PTPRD: variants seen among roughly 807,000 people sequenced by gnomAD.
PTPRD encodes receptor-type tyrosine-protein phosphatase delta.
A neutral mutation model predicts 214.5 loss-of-function variants in PTPRD; 34 were observed. The observed-to-expected ratio is 0.16, with a 90% CI of 0.12 to 0.21. The LOEUF is 0.21. Ranked by LOEUF, PTPRD falls within the 10% of genes least tolerant of loss-of-function variation. The pLI is 1.00. For synonymous variants in PTPRD, 1,128 were observed against 845.7 expected (o/e 1.33, Z -5.79); for missense variants, 2,545 against 2,398.7 (o/e 1.06, Z -1.27).
intron 7 of PTPRD, among the ~76,000 whole-genome samples, chr9:9,653,411 A>G (rs2096425097): frequency 6.7e-6 from 1 of 148,616 alleles, no homozygotes; most frequent in Admixed American, 6.8e-5. Context: ...TTTTACGCCT[A>G]AAGAAAATAT....
chr9:8,811,068 T>TG (rs756614189), intron 11 of PTPRD, among the ~76,000 whole-genome samples: 23 of 152,184 alleles, frequency 1.5e-4, no homozygotes, highest in Non-Finnish European at 2.5e-4. Flanking sequence ...ATCACCACTG[T>TG]GAGTGAAATC....
intron 5 of PTPRD, among the ~76,000 whole-genome samples, chr9:9,891,244 G>C (rs2073215843): frequency 6.6e-6 from 1 of 152,048 alleles, no homozygotes; most frequent in Non-Finnish European, 1.5e-5. Context: ...ATGGGGATGG[G>C]GATGAGATGG....
intron 8 of PTPRD, among the ~76,000 whole-genome samples, chr9:9,487,274 T>C (rs2095686842): frequency 6.6e-6 from 1 of 151,240 alleles, no homozygotes; most frequent in South Asian, 2.1e-4. Context: ...AGTGTTCTCA[T>C]TGTTCAATTC....
intron 10 of PTPRD, among the ~76,000 whole-genome samples, chr9:9,057,318 T>C (rs2154398490): frequency 6.6e-6 from 1 of 152,260 alleles, no homozygotes; most frequent in South Asian, 2.1e-4. Context: ...AGAATCGAAG[T>C]ATATTTGAGC....
At chr9:9,067,086 TA>T (rs1044969154) in intron 10 of PTPRD, among the ~76,000 whole-genome samples, 46 of 152,022 alleles carry the variant, frequency 3.0e-4, no homozygotes, top group African/African-American at 1.1e-3. Flanking sequence ...CTACTACAAA[TA>T]AAAAAATTTA....
chr9:10,540,203 T>C (rs2058781405), intron 2 of PTPRD, among the ~76,000 whole-genome samples: 1 of 152,136 alleles, frequency 6.6e-6, no homozygotes, highest in Admixed American at 6.6e-5. Flanking sequence ...CTAATTTGTG[T>C]ATTTTTGAGA....
At chr9:9,476,474 G>T (rs1389374130) in intron 8 of PTPRD, among the ~76,000 whole-genome samples, 4 of 152,076 alleles carry the variant, frequency 2.6e-5, no homozygotes, top group Non-Finnish European at 5.9e-5. Flanking sequence ...GATAATCAAG[G>T]GTAGGAAATA....
intron 11 of PTPRD, among the ~76,000 whole-genome samples, chr9:8,843,514 G>C (rs534217102): frequency 6.6e-6 from 1 of 152,260 alleles, no homozygotes; most frequent in South Asian, 2.1e-4. Flanking sequence ...TTCTATGTCG[G>C]TGCTGGTTCT....
intron 35 of PTPRD, among the ~76,000 whole-genome samples, chr9:8,427,391 T>C (rs138714413): frequency 6.6e-6 from 1 of 152,294 alleles, no homozygotes; most frequent in Non-Finnish European, 1.5e-5. Context: ...ACTAGCAATT[T>C]TGATCACAAC....
intron 8 of PTPRD, among the ~76,000 whole-genome samples, chr9:9,508,299 G>A (rs1485054447): frequency 6.6e-6 from 1 of 151,434 alleles, no homozygotes. Flanking sequence ...GCAATACACA[G>A]GCACAAAAGG....
intron 3 of PTPRD, among the ~76,000 whole-genome samples, chr9:10,139,950 G>C (rs2098971490): frequency 6.6e-6 from 1 of 151,988 alleles, no homozygotes; most frequent in Non-Finnish European, 1.5e-5. Flanking sequence ...AGAAAATCCA[G>C]AACATACTTT....
intron 10 of PTPRD, among the ~76,000 whole-genome samples, chr9:9,037,428 C>A (rs898146907): frequency 6.6e-6 from 1 of 152,098 alleles, no homozygotes; most frequent in African/African-American, 2.4e-5. Context: ...ATTAAGATGA[C>A]CTTCTCCAGG....
At chr9:10,187,912 T>C (rs1263051280) in intron 3 of PTPRD, among the ~76,000 whole-genome samples, 1 of 152,222 alleles carries the variant, frequency 6.6e-6, no homozygotes, top group Non-Finnish European at 1.5e-5. Context: ...TTGGTCACTT[T>C]ATTCCACTTG....
At chr9:9,528,171 A>G (rs1385729396) in intron 8 of PTPRD, among the ~76,000 whole-genome samples, 1 of 152,182 alleles carries the variant, frequency 6.6e-6, no homozygotes, top group East Asian at 1.9e-4. Context: ...GAGAGAGATA[A>G]TTCTGTAGAT....
chr9:9,885,618 G>T (rs1168471636), intron 5 of PTPRD, among the ~76,000 whole-genome samples: 1 of 152,024 alleles, frequency 6.6e-6, no homozygotes. Flanking sequence ...GAAGGAGAAG[G>T]GAGGGTAGTT....
chr9:9,074,281 T>A (rs1235353644), intron 10 of PTPRD, among the ~76,000 whole-genome samples: 2 of 152,076 alleles, frequency 1.3e-5, no homozygotes, highest in Non-Finnish European at 2.9e-5. Context: ...ACATGAAGAA[T>A]AATTGAAAAG....
chr9:9,792,913 A>C (rs556883715), intron 5 of PTPRD, among the ~76,000 whole-genome samples: 174 of 152,272 alleles, frequency 1.1e-3, no homozygotes, highest in African/African-American at 4.1e-3. Context: ...TTTAAGGGGT[A>C]TTAAAATGGA....
At chr9:9,291,302 T>A (rs76216435) in intron 9 of PTPRD, among the ~76,000 whole-genome samples, 9,536 of 151,482 alleles carry the variant, frequency 0.063, 359 homozygotes, top group Middle Eastern at 0.16. Context: ...GAACCACTTA[T>A]AAGATGGTTC....
intron 3 of PTPRD, among the ~76,000 whole-genome samples, chr9:10,080,449 G>A (rs1343850502): frequency 6.6e-6 from 1 of 152,080 alleles, no homozygotes; most frequent in Non-Finnish European, 1.5e-5. Flanking sequence ...CATGACACAA[G>A]GAGAAAAGTA....
Sources: gnomAD v4.1 joint callset for allele counts (sites outside exome capture counted in the v4.1 genomes callset) on GRCh38, gnomAD v4.1.1 for gene constraint, MANE v1.5 for transcripts, NCBI Gene and HGNC (gene_info 2026-07-23, HGNC 2026-07-21) for gene names.